KCNMA1: variants seen among roughly 807,000 people sequenced by gnomAD.
KCNMA1 encodes potassium calcium-activated channel subfamily M alpha 1, also known as Calcium-activated potassium channel subunit alpha-1.
KCNMA1 carries 29 observed loss-of-function variants against 140.0 expected under a neutral mutation model. The ratio of observed to expected loss-of-function variants is 0.21; its 90% CI spans 0.15 to 0.28. The LOEUF is 0.28. KCNMA1 is among the 10% of genes least tolerant of loss of function. The pLI is 1.00. For synonymous variants in KCNMA1, 612 were observed against 611.9 expected (o/e 1.00, Z 0.00); for missense variants, 880 against 1,602.2 (o/e 0.55, Z 7.70).
chr10:77,451,259 G>C (rs114170464), intron 1 of KCNMA1, among the ~76,000 whole-genome samples: 3,203 of 152,248 alleles, frequency 0.021, 118 homozygotes, highest in African/African-American at 0.073. Flanking sequence ...TAAACAGGGG[G>C]AGAATCTTCC....
intron 1 of KCNMA1, among the ~76,000 whole-genome samples, chr10:77,535,032 T>C (rs1313877465): frequency 6.6e-6 from 1 of 152,194 alleles, no homozygotes; most frequent in Non-Finnish European, 1.5e-5. Flanking sequence ...ACTACAGGGA[T>C]GCTATAAGGG....
intron 1 of KCNMA1, among the ~76,000 whole-genome samples, chr10:77,481,185 C>T (rs575875679): frequency 1.1e-4 from 16 of 151,706 alleles, no homozygotes; most frequent in African/African-American, 3.4e-4. Context: ...ATACACACAG[C>T]GTGTACATGT....
At chr10:76,926,153 G>T (rs1456899585) in intron 23 of KCNMA1, among the ~76,000 whole-genome samples, 5 of 152,156 alleles carry the variant, frequency 3.3e-5, no homozygotes, top group Non-Finnish European at 2.9e-5. Flanking sequence ...CTAGATGAGG[G>T]TTTGATGCTG....
In KCNMA1 at chr10:77,637,711, C is replaced by G. The variant is rs2093912397; in HGVS notation, c.-69G>C. 1 of 1,415,896 alleles carries G rather than the reference C, an allele frequency of 7.1e-7. No individual in the cohort carries two copies. The highest frequency in any genetic ancestry group is 9.1e-7 in the Non-Finnish European group (1 of 1,098,144). 87.7% of individuals were successfully genotyped at this position (1,415,896 alleles called of 1,614,324 possible). ...CCCGCCGCCAGCGCCACCCCAAACA[C>G]CCATCAACAGCCATATTGCTGCTAC... On this transcript the variant is annotated 5_prime_UTR_variant, in exon 1 of 28. Coordinates refer to ENST00000286628, the MANE Select transcript of KCNMA1 (RefSeq NM_001161352.2).
At chr10:77,408,721 C>T (rs1260858647) in intron 1 of KCNMA1, among the ~76,000 whole-genome samples, 1 of 152,132 alleles carries the variant, frequency 6.6e-6, no homozygotes, top group African/African-American at 2.4e-5. Flanking sequence ...GTGAGGCCAT[C>T]GCGTGGGGAG....
intron 5 of KCNMA1, among the ~76,000 whole-genome samples, chr10:77,167,724 C>T (rs1386528307): frequency 6.6e-6 from 1 of 151,326 alleles, no homozygotes; most frequent in African/African-American, 2.4e-5. Flanking sequence ...GGGGCTGACT[C>T]TGTCCCCAGG....
chr10:77,554,334 C>T (rs1347007078), intron 1 of KCNMA1, among the ~76,000 whole-genome samples: 1 of 152,082 alleles, frequency 6.6e-6, no homozygotes, highest in African/African-American at 2.4e-5. Context: ...TGGTGGCTCA[C>T]ACCTATAATC....
At chr10:77,402,752 G>A (rs1191963164) in intron 2 of KCNMA1, among the ~76,000 whole-genome samples, 2 of 152,158 alleles carry the variant, frequency 1.3e-5, no homozygotes, top group Admixed American at 1.3e-4. Context: ...GATAATGACT[G>A]TTTTCCAGTG....
chr10:77,123,146 C>T (rs1353845011), intron 5 of KCNMA1, among the ~76,000 whole-genome samples: 1 of 128,430 alleles, frequency 7.8e-6, no homozygotes, highest in Non-Finnish European at 1.5e-5. Context: ...CGCCACTGCA[C>T]TCCAGCCTGG....
chr10:77,196,172 G>A (rs542140778), intron 3 of KCNMA1, among the ~76,000 whole-genome samples: 2 of 152,138 alleles, frequency 1.3e-5, no homozygotes, highest in Admixed American at 1.3e-4. Flanking sequence ...TCTGTGAGAG[G>A]CCTAGGATGG....
intron 29 of KCNMA1, among the ~76,000 whole-genome samples, chr10:76,878,481 A>G (rs766742570): frequency 6.6e-6 from 1 of 152,150 alleles, no homozygotes; most frequent in African/African-American, 2.4e-5. Flanking sequence ...AAACCCATAG[A>G]TTTTGCTGGC....
chr10:77,239,170 T>A lies in KCNMA1; in HGVS notation c.602+12025A>T, dbSNP rs139144565. ...GGCCTTGCCTTATTATTTCTACTCA[T>A]GCTATTATGAAGAGGGCAAACTCCT... On this transcript the variant is annotated intron_variant, in intron 3 of 27. Coordinates refer to ENST00000286628, the MANE Select transcript of KCNMA1 (RefSeq NM_001161352.2). Among the ~76,000 whole-genome samples, 3 of 152,346 alleles carry A rather than the reference T, an allele frequency of 2.0e-5. No homozygotes were observed. In the East Asian group the frequency reaches 5.8e-4, roughly 29 times the overall value.
At chr10:77,107,577 C>A (rs1296350364) in intron 9 of KCNMA1, among the ~76,000 whole-genome samples, 2 of 152,206 alleles carry the variant, frequency 1.3e-5, no homozygotes, top group African/African-American at 4.8e-5. Flanking sequence ...TAGGAAAAAA[C>A]CTTGGGGTCT....
At chr10:76,940,887 G>T (rs1455581387) in intron 23 of KCNMA1, among the ~76,000 whole-genome samples, 2 of 150,828 alleles carry the variant, frequency 1.3e-5, no homozygotes, top group Admixed American at 6.6e-5. Context: ...CTTGAACCCA[G>T]GAGGTGGAGG....
intron 1 of KCNMA1, among the ~76,000 whole-genome samples, chr10:77,578,676 C>T (rs998398807): frequency 4.6e-5 from 7 of 152,162 alleles, no homozygotes; most frequent in South Asian, 2.1e-4. Context: ...AGTATCCAGC[C>T]GCCAAGGGCT....
At chr10:77,169,820 G>A (rs1597770060) in intron 5 of KCNMA1, among the ~76,000 whole-genome samples, 2 of 152,164 alleles carry the variant, frequency 1.3e-5, no homozygotes, top group Non-Finnish European at 1.5e-5. Context: ...GGGGTAAGTC[G>A]AATTTAGTGA....
chr10:76,948,943 G>C, intron 22 of KCNMA1, 199 bp downstream of exon 22: 1 of 633,318 alleles, frequency 1.6e-6, no homozygotes, highest in East Asian at 2.7e-5. Flanking sequence ...GACTGAACTT[G>C]GCTGCAAATT....
At chr10:77,471,327 C>T (rs576662059) in intron 1 of KCNMA1, among the ~76,000 whole-genome samples, 2 of 150,790 alleles carry the variant, frequency 1.3e-5, no homozygotes, top group Non-Finnish European at 3.0e-5. Flanking sequence ...CCACACACAA[C>T]TCACACTACA....
chr10:77,043,613 C>G (rs2094860140), intron 14 of KCNMA1, among the ~76,000 whole-genome samples: 1 of 152,094 alleles, frequency 6.6e-6, no homozygotes, highest in African/African-American at 2.4e-5. Context: ...GGACAGATGA[C>G]TAGATAAACA....
Sources: allele counts gnomAD v4.1 joint callset (sites outside exome capture counted in the v4.1 genomes callset), GRCh38; gene constraint gnomAD v4.1.1; transcripts MANE v1.5; gene names NCBI Gene and HGNC (gene_info 2026-07-23, HGNC 2026-07-21).